The following CLIC4 variants were observed in gnomAD, a reference collection of about 807,000 sequenced individuals.
CLIC4 encodes the protein chloride intracellular channel protein 4.
A neutral mutation model predicts 24.6 loss-of-function variants in CLIC4; 13 were observed. The observed-to-expected ratio is 0.53, with a 90% confidence interval of 0.34 to 0.84. The LOEUF is 0.84. Ranked by LOEUF, CLIC4 falls within the 40% of genes least tolerant of loss-of-function variation. The pLI is 0.01. For missense variants in CLIC4, 227 were observed against 301.7 expected, an observed-to-expected ratio of 0.75 and a Z score of 1.83; for synonymous variants, 104 against 111.3, an observed-to-expected ratio of 0.93 and a Z score of 0.41.
chr1:24,759,134 G>A (rs537061569), intron 1 of CLIC4, among the ~76,000 whole-genome samples: 40 of 152,272 alleles, frequency 2.6e-4, no homozygotes, highest in African/African-American at 9.4e-4. Flanking sequence ...CTCTTTAGGA[G>A]AAATCTATTC....
At chr1:24,767,816 T>G (rs1387751149) in intron 1 of CLIC4, among the ~76,000 whole-genome samples, 1 of 151,572 alleles carries the variant, frequency 6.6e-6, no homozygotes, top group Admixed American at 6.6e-5. Context: ...CAAATACTCT[T>G]AATTAAAAAT....
chr1:24,805,718 C>G, intron 2 of CLIC4, among the ~76,000 whole-genome samples: 1 of 152,182 alleles, frequency 6.6e-6, no homozygotes, highest in East Asian at 1.9e-4. Flanking sequence ...TGTTCTCTAG[C>G]TATGCTGCAC....
At chr1:24,764,905 T>C (rs926124007) in intron 1 of CLIC4, among the ~76,000 whole-genome samples, 4 of 152,228 alleles carry the variant, frequency 2.6e-5, no homozygotes, top group African/African-American at 9.6e-5. Context: ...AAAAAATCTT[T>C]CATTAAACAT....
chr1:24,835,241 C>G (rs930359882), intron 4 of CLIC4, among the ~76,000 whole-genome samples: 4 of 152,168 alleles, frequency 2.6e-5, no homozygotes, highest in Non-Finnish European at 4.4e-5. Context: ...GTAACACATT[C>G]TAATTTGTTT....
intron 1 of CLIC4, among the ~76,000 whole-genome samples, chr1:24,747,955 G>A (rs1309811072): frequency 6.6e-6 from 1 of 151,426 alleles, no homozygotes; most frequent in Non-Finnish European, 1.5e-5. Context: ...AACCGGGGAG[G>A]CAAAGGTTGG....
intron 3 of CLIC4, among the ~76,000 whole-genome samples, chr1:24,820,265 G>GTTT (rs1557812406): frequency 4.0e-5 from 2 of 49,778 alleles, no homozygotes; most frequent in African/African-American, 8.3e-5. Flanking sequence ...TCCCTTTTTG[G>GTTT]TCTTTTTTTT....
chr1:24,748,499 G>GTTTTTTTTTTT lies in CLIC4; in HGVS notation c.72+2887_72+2897dup, dbSNP rs869153638. On this transcript the variant is annotated intron_variant, in intron 1 of 5. Coordinates refer to ENST00000374379, the MANE Select transcript of CLIC4 (RefSeq NM_013943.3). Reference sequence around the variant, plus strand: ...TGCACTGATACAGATCAGGTTTTTTGTTTTTTTTTTTTTTTTTTTTTTTAA... The same window carrying GTTTTTTTTTTT: ...TGCACTGATACAGATCAGGTTTTTTGTTTTTTTTTTTTTTTTTTTTTTTTTTTTTTTTTTAA... 8.4e-4 allele frequency among the ~76,000 whole-genome samples: 68 copies of GTTTTTTTTTTT among 80,580 alleles called. 4 individuals are homozygous for GTTTTTTTTTTT. The highest frequency in any genetic ancestry group is 1.2e-3 in the East Asian group (3 of 2,438). The allele number at this position is 80,580 out of a possible 152,430, so 52.9% of individuals were successfully genotyped here. A position where few individuals can be genotyped will look rare whatever the true frequency, so the allele number is the denominator to read the frequency against.
At chr1:24,783,537 A>C (rs1188410287) in intron 1 of CLIC4, among the ~76,000 whole-genome samples, 1 of 152,090 alleles carries the variant, frequency 6.6e-6, no homozygotes, top group African/African-American at 2.4e-5. Context: ...CCTCGTCTCT[A>C]CTAAAAATAC....
intron 1 of CLIC4, among the ~76,000 whole-genome samples, chr1:24,790,874 A>G (rs889623192): frequency 6.6e-6 from 1 of 152,200 alleles, no homozygotes; most frequent in Non-Finnish European, 1.5e-5. Context: ...TTTTCAAGGA[A>G]TAAAGTAGTA....
At chr1:24,773,591 CTTTTTTTTTTT>C (rs61367134) in intron 1 of CLIC4, among the ~76,000 whole-genome samples, 10 of 74,012 alleles carry the variant, frequency 1.4e-4, no homozygotes, top group African/African-American at 3.9e-4. Context: ...TGAGATGCAC[CTTTTTTTTTTT>C]TTTTTTTTTT....
intron 1 of CLIC4, among the ~76,000 whole-genome samples, chr1:24,785,983 C>T (rs796911301): frequency 3.3e-5 from 5 of 151,946 alleles, no homozygotes; most frequent in African/African-American, 1.2e-4. Context: ...TCAAAGCAAC[C>T]ATTTTGTGTA....
chr1:24,781,134 AT>A (rs35627731), intron 1 of CLIC4, among the ~76,000 whole-genome samples: 53,956 of 97,066 alleles, frequency 0.56, 13,922 homozygotes, highest in Non-Finnish European at 0.62. Context: ...AGGTAACTGA[AT>A]TTTTTTTTTT....
intron 1 of CLIC4, among the ~76,000 whole-genome samples, chr1:24,797,429 G>T (rs964295810): frequency 2.6e-5 from 4 of 151,626 alleles, no homozygotes; most frequent in Admixed American, 2.6e-4. Context: ...TTAAAAATTA[G>T]CCGGGATGGT....
In CLIC4 at chr1:24,779,263, G is replaced by C. The variant is rs139975183; in HGVS notation, c.73-18479G>C. Among the ~76,000 whole-genome samples the C allele has an allele frequency of 4.9e-4, 74 of 152,038 alleles. 1 individual carries two copies. In the East Asian group the frequency reaches 0.011, roughly 22 times the overall value. ...AGTGGGCAGATCGCTTGAGCCCAGGGGTTCAAGACCAGCCTGGGCAACATA... is the reference window on the plus strand; with the variant it reads ...AGTGGGCAGATCGCTTGAGCCCAGGCGTTCAAGACCAGCCTGGGCAACATA... On this transcript the variant is annotated intron_variant, in intron 1 of 5. Transcript: ENST00000374379.
At chr1:24,764,194 G>A (rs927672685) in intron 1 of CLIC4, among the ~76,000 whole-genome samples, 3 of 152,084 alleles carry the variant, frequency 2.0e-5, no homozygotes, top group Non-Finnish European at 2.9e-5. Context: ...TCCGCCTCCC[G>A]GGTTCAAGCG....
At chr1:24,814,611 A>G (rs114445499) in intron 3 of CLIC4, among the ~76,000 whole-genome samples, 51 of 152,344 alleles carry the variant, frequency 3.3e-4, no homozygotes, top group African/African-American at 1.1e-3. Context: ...CTGCAATGAG[A>G]TTTGATTTCA....
At chr1:24,809,895 A>G (rs1639594548) in intron 2 of CLIC4, among the ~76,000 whole-genome samples, 1 of 152,180 alleles carries the variant, frequency 6.6e-6, no homozygotes, top group African/African-American at 2.4e-5. Context: ...CTTTGAAACT[A>G]TATGTTGTTG....
At chr1:24,787,559 C>T (rs138774682) in intron 1 of CLIC4, among the ~76,000 whole-genome samples, 48 of 151,512 alleles carry the variant, frequency 3.2e-4, no homozygotes, top group African/African-American at 1.1e-3. Flanking sequence ...TTTTTTGATA[C>T]GGAGTCTCAC....
chr1:24,789,541 A>G (rs998921808), intron 1 of CLIC4, among the ~76,000 whole-genome samples: 7 of 152,084 alleles, frequency 4.6e-5, no homozygotes, highest in Non-Finnish European at 7.3e-5. Context: ...AAACAAAAAA[A>G]CCTGGAAATA....
Sources: gnomAD v4.1 joint callset for allele counts (sites outside exome capture counted in the v4.1 genomes callset) on GRCh38, gnomAD v4.1.1 for gene constraint, MANE v1.5 for transcripts, NCBI Gene and HGNC (gene_info 2026-07-23, HGNC 2026-07-21) for gene names.